ATPSCKMT: variants seen among roughly 807,000 people sequenced by gnomAD.
ATPSCKMT encodes the protein ATP synthase c subunit lysine N-methyltransferase, also known as ATP synthase subunit C lysine N-methyltransferase.
Under a neutral mutation model 24.3 loss-of-function variants are expected in ATPSCKMT, and 24 were observed. That is an observed-to-expected ratio of 0.99 (90% CI 0.71 to 1.39). The LOEUF (loss-of-function observed/expected upper bound fraction) is 1.39. ATPSCKMT is among the 40% of genes most tolerant of loss of function. The pLI is 0.00. For synonymous variants in ATPSCKMT, 95 were observed against 110.5 expected (o/e 0.86, Z 0.88); for missense variants, 311 against 298.4 (o/e 1.04, Z -0.31).
intron 4 of ATPSCKMT, among the ~76,000 whole-genome samples, chr5:10,231,349 T>C (rs1744125938): frequency 6.6e-6 from 1 of 152,026 alleles, no homozygotes; most frequent in Non-Finnish European, 1.5e-5. Flanking sequence ...CAAGAGCTTA[T>C]AACCTGTCTC....
In ATPSCKMT at chr5:10,239,064, C is replaced by G. The variant is rs774942208; in HGVS notation, c.306+3G>C. 4 of 1,610,676 alleles carry G rather than the reference C, an allele frequency of 2.5e-6. No homozygotes were observed. The highest frequency in any genetic ancestry group is 3.4e-6 in the Non-Finnish European group (4 of 1,177,826). On this transcript the variant is annotated splice_donor_region_variant and intron_variant, in intron 2 of 4. Transcript: ENST00000511437. ...AACCTTAAAATGTTTTAGCAGAACT[C>G]ACAATGCGTCCGTCCCCACTACCGA...
chr5:10,235,011 G>A (rs1744310760), intron 4 of ATPSCKMT, among the ~76,000 whole-genome samples, 200 bp downstream of exon 4: 2 of 152,224 alleles, frequency 1.3e-5, no homozygotes, highest in South Asian at 4.1e-4. Flanking sequence ...TGAAGCCAAA[G>A]TTTAAAAGTA....
rs1027561539 is a variant in ATPSCKMT at position 10,239,444 on chromosome 5, C to T, written c.17-88G>A. ...TTTTTCTACAATTCTCATTGGCAAA[C>T]AAACTCATGCTTTTTAAAGGATAAT... On this transcript the variant is annotated intron_variant, in intron 1 of 4. Coordinates refer to ENST00000511437, the MANE Select transcript of ATPSCKMT (RefSeq NM_199133.4). The T allele has an allele frequency of 5.2e-6, 6 of 1,150,580 alleles. No homozygotes were observed. The East Asian group carries it at 9.5e-5, about 18-fold the overall frequency. 71.3% of individuals were successfully genotyped at this position (1,150,580 alleles called of 1,614,324 possible).
chr5:10,244,462 G>A (rs1744793950), intron 1 of ATPSCKMT: 2 of 152,146 alleles, frequency 1.3e-5, no homozygotes, highest in South Asian at 2.1e-4. Context: ...AGGAGGCTGA[G>A]GCCAGAAGAT....
intron 1 of ATPSCKMT, among the ~76,000 whole-genome samples, chr5:10,245,955 T>C (rs942817802): frequency 3.9e-5 from 6 of 152,186 alleles, no homozygotes; most frequent in African/African-American, 1.4e-4. Flanking sequence ...ATTTGCCTGC[T>C]TAAAGTATAT....
chr5:10,233,362 C>T (rs1025779320), intron 4 of ATPSCKMT, among the ~76,000 whole-genome samples: 2 of 152,066 alleles, frequency 1.3e-5, no homozygotes, highest in African/African-American at 4.8e-5. Context: ...TCCCAGCCTC[C>T]GCACCCCTGA....
intron 4 of ATPSCKMT, among the ~76,000 whole-genome samples, chr5:10,229,403 T>G (rs1744026859): frequency 6.6e-6 from 1 of 152,194 alleles, no homozygotes. Context: ...ACACCCCACC[T>G]GTGAAGCTGT....
In ATPSCKMT at chr5:10,227,127, C is replaced by T; in HGVS notation, c.*314G>A. The T allele has an allele frequency of 6.1e-6, 2 of 330,264 alleles. No individual in the cohort carries two copies. The highest frequency in any genetic ancestry group is 7.0e-5 in the East Asian group (1 of 14,226). 20.5% of individuals were successfully genotyped at this position (330,264 alleles called of 1,614,324 possible). On this transcript the variant is annotated 3_prime_UTR_variant, in exon 5 of 5. Coordinates refer to ENST00000511437, the MANE Select transcript of ATPSCKMT (RefSeq NM_199133.4). ...ATTTCTCCTTATCGAGGCATTAAGCCATATTGTTTATAATGTGAAGAGCTA... is the reference window on the plus strand; with the variant it reads ...ATTTCTCCTTATCGAGGCATTAAGCTATATTGTTTATAATGTGAAGAGCTA...
chr5:10,229,282 TC>T (rs1561024907), intron 4 of ATPSCKMT, among the ~76,000 whole-genome samples: 4 of 152,158 alleles, frequency 2.6e-5, no homozygotes, highest in African/African-American at 7.2e-5. Context: ...AGTTGCTCAG[TC>T]TTTCTTTGGT....
rs373044407 is a variant in ATPSCKMT, at chr5:10,232,091, G to A, written c.495+3120C>T. Among the ~76,000 whole-genome samples the A allele has an allele frequency of 2.0e-5, 3 of 152,050 alleles. No individual in the cohort carries two copies. In the East Asian group the frequency reaches 5.8e-4, roughly 29 times the overall value. On this transcript the variant is annotated intron_variant, in intron 4 of 4. Transcript: ENST00000511437. Reference sequence around the variant, plus strand: ...GGTGGCACACGCCTGTATTCCCAGCGACTTGGCAGGCTGAGACAGGTGATC... The same window carrying A: ...GGTGGCACACGCCTGTATTCCCAGCAACTTGGCAGGCTGAGACAGGTGATC...
chr5:10,248,802 T>C (rs1242685637), intron 1 of ATPSCKMT, among the ~76,000 whole-genome samples: 3 of 152,158 alleles, frequency 2.0e-5, no homozygotes, highest in Non-Finnish European at 2.9e-5. Flanking sequence ...ACTTTATTAG[T>C]TAAGTCCCTG....
intron 1 of ATPSCKMT, among the ~76,000 whole-genome samples, chr5:10,240,577 G>A (rs928507470): frequency 6.6e-6 from 1 of 152,160 alleles, no homozygotes; most frequent in African/African-American, 2.4e-5. Context: ...CAAAGTGGGG[G>A]TCACAGGGAT....
At chr5:10,239,008 T>C in intron 2 of ATPSCKMT, 59 bp downstream of exon 2, 2 of 1,561,136 alleles carry the variant, frequency 1.3e-6, no homozygotes, top group South Asian at 1.2e-5. Flanking sequence ...CCTTACTAAA[T>C]GTAAAGCAGA....
At chr5:10,228,334 TATC>T (rs1416679269) in intron 4 of ATPSCKMT, among the ~76,000 whole-genome samples, 25 of 152,328 alleles carry the variant, frequency 1.6e-4, no homozygotes, top group African/African-American at 5.1e-4. Flanking sequence ...CAACTGGAAA[TATC>T]ATGAAATATT....
intron 1 of ATPSCKMT, among the ~76,000 whole-genome samples, chr5:10,243,271 G>C (rs1265861675): frequency 6.6e-6 from 1 of 152,144 alleles, no homozygotes. Flanking sequence ...GGATCACAAG[G>C]TCAGGAGTTC....
intron 1 of ATPSCKMT, among the ~76,000 whole-genome samples, chr5:10,245,602 C>T (rs1043924888): frequency 3.3e-5 from 5 of 151,884 alleles, no homozygotes; most frequent in Non-Finnish European, 4.4e-5. Flanking sequence ...AAAAAATTAG[C>T]CAGGCCTGGT....
rs192325223 is a variant in ATPSCKMT at position 10,234,276 on chromosome 5, C to T, written c.495+935G>A. 1.5e-3 allele frequency among the ~76,000 whole-genome samples: 226 copies of T among 151,852 alleles called. 1 individual carries two copies. Among genetic ancestry groups the T allele is most frequent in the African/African-American group, 5.1e-3 (212 of 41,406 alleles). The stretch of plus-strand genomic sequence containing the variant: ...CAGGGAGGTAGAAGTTGCAGTGAGC[C>T]GAGATCATGCCACTGCACTCCAGCC... On this transcript the variant is annotated intron_variant, in intron 4 of 4. Coordinates refer to ENST00000511437, the MANE Select transcript of ATPSCKMT (RefSeq NM_199133.4).
At chr5:10,248,593 G>A (rs367849800) in intron 1 of ATPSCKMT, 1 of 152,286 alleles carries the variant, frequency 6.6e-6, no homozygotes, top group South Asian at 2.1e-4. Context: ...CTGTCGCCCA[G>A]GATGGAGTGC....
intron 4 of ATPSCKMT, among the ~76,000 whole-genome samples, chr5:10,234,871 TC>T (rs1416225225): frequency 6.6e-6 from 1 of 152,200 alleles, no homozygotes. Context: ...TCATTAACTT[TC>T]CGGAGCGATT....
Sources: gnomAD v4.1 joint callset for allele counts (sites outside exome capture counted in the v4.1 genomes callset) on GRCh38, gnomAD v4.1.1 for gene constraint, MANE v1.5 for transcripts, NCBI Gene and HGNC (gene_info 2026-07-23, HGNC 2026-07-21) for gene names.